FNDC3A: variants seen among roughly 807,000 people sequenced by gnomAD.
FNDC3A encodes fibronectin type-III domain-containing protein 3A.
A neutral mutation model predicts 148.9 loss-of-function variants in FNDC3A; 32 were observed. The ratio of observed to expected loss-of-function variants is 0.21; its 90% CI spans 0.16 to 0.29. FNDC3A has a LOEUF of 0.29. Ranked by LOEUF, FNDC3A falls within the 10% of genes least tolerant of loss-of-function variation. The pLI, the probability that FNDC3A is intolerant of heterozygous loss-of-function variation, is 1.00. For synonymous variants in FNDC3A, 472 were observed against 473.6 expected, an observed-to-expected ratio of 1.00 and a Z score of 0.04; for missense variants, 1,191 against 1,452.8, an observed-to-expected ratio of 0.82 and a Z score of 2.93.
chr13:49,098,940 A>G (rs1053644236), intron 3 of FNDC3A, among the ~76,000 whole-genome samples: 2 of 152,052 alleles, frequency 1.3e-5, no homozygotes, highest in Non-Finnish European at 2.9e-5. Flanking sequence ...TTCTGTTCCC[A>G]AGTTCTGACT....
Position 49,086,795 on chromosome 13 carries a change from C to G in FNDC3A, c.175+11431C>G, listed in dbSNP as rs374577237. ...TCATGATTGTATTTAAAAATTTGCT[C>G]TTTATACTTCCCCTTTTAATATGAA... On this transcript the variant is annotated intron_variant, in intron 3 of 25. Transcript: ENST00000492622. Among the ~76,000 whole-genome samples, 11 of 152,216 alleles carry G rather than the reference C, an allele frequency of 7.2e-5. No homozygotes were observed. The South Asian group carries it at 1.2e-3, about 17-fold the overall frequency.
At chr13:49,142,479 C>G (rs773246016) in intron 7 of FNDC3A, among the ~76,000 whole-genome samples, 1 of 152,096 alleles carries the variant, frequency 6.6e-6, no homozygotes, top group Non-Finnish European at 1.5e-5. Flanking sequence ...ATAGGATCCA[C>G]TCTCCCCACT....
intron 4 of FNDC3A, among the ~76,000 whole-genome samples, chr13:49,127,190 C>A (rs1006768047): frequency 1.3e-5 from 2 of 152,186 alleles, no homozygotes; most frequent in African/African-American, 4.8e-5. Context: ...TAGCATTTTT[C>A]TTTTCTCTCT....
chr13:49,124,932 T>C (rs548427761), intron 4 of FNDC3A, among the ~76,000 whole-genome samples: 1 of 152,316 alleles, frequency 6.6e-6, no homozygotes, highest in South Asian at 2.1e-4. Context: ...GTTTATGAAC[T>C]ACCTGAATGG....
At chr13:49,176,903 C>A (rs765515740) in intron 13 of FNDC3A, among the ~76,000 whole-genome samples, 1 of 152,154 alleles carries the variant, frequency 6.6e-6, no homozygotes. Flanking sequence ...TGGGCTCAGG[C>A]AATCCTTTCA....
chr13:49,129,831 G>A (rs2137920828), intron 4 of FNDC3A, among the ~76,000 whole-genome samples: 1 of 152,252 alleles, frequency 6.6e-6, no homozygotes, highest in East Asian at 1.9e-4. Context: ...ATTAATGTTT[G>A]TAATTTAGGC....
chr13:49,090,385 G>T (rs1879106396), intron 3 of FNDC3A, among the ~76,000 whole-genome samples: 1 of 152,218 alleles, frequency 6.6e-6, no homozygotes, highest in African/African-American at 2.4e-5. Flanking sequence ...CTGCACTCCA[G>T]CCTGGGTGAC....
chr13:49,208,910 C>A lies in FNDC3A; in HGVS notation c.*1515C>A, dbSNP rs147757881. 2.0e-5 allele frequency: 3 copies of A among 152,570 alleles called. No homozygotes were observed. Among genetic ancestry groups the A allele is most frequent in the African/African-American group, 4.8e-5 (2 of 41,504 alleles). 9.5% of individuals were successfully genotyped at this position (152,570 alleles called of 1,614,324 possible). On this transcript the variant is annotated 3_prime_UTR_variant, in exon 26 of 26. Coordinates refer to ENST00000492622, the MANE Select transcript of FNDC3A (RefSeq NM_001079673.2). ...TGCTTTGAAGATCTCTGAAGAATTT[C>A]TTTTATAATAGAATGGGCATGTATT...
intron 8 of FNDC3A, chr13:49,146,213 G>T (rs1593657445): frequency 3.4e-6 from 1 of 298,206 alleles, no homozygotes; most frequent in Non-Finnish European, 6.2e-6. Flanking sequence ...TATTCTTAAT[G>T]CATTAAATAT....
chr13:49,035,230 T>C (rs575112481), intron 2 of FNDC3A, among the ~76,000 whole-genome samples: 4 of 152,212 alleles, frequency 2.6e-5, no homozygotes, highest in African/African-American at 7.2e-5. Context: ...AATGACACTT[T>C]TTAGTAGGAT....
In FNDC3A at chr13:49,197,856, C is replaced by A; in HGVS notation, c.2472C>A (p.Thr824=). ...TAAAAGGACTTTCACCAGCAACTAC[C>A]TATTATTGCAGGGTCCAGGTAAAGA... ...YEIKGLSPAT[T]YYCRVQALSV... Residue 824 remains threonine (T), a synonymous_variant, in exon 21 of 26, where the codon ACC becomes ACA. Coordinates refer to ENST00000492622, the MANE Select transcript of FNDC3A (RefSeq NM_001079673.2). 6.2e-7 allele frequency: 1 copy of A among 1,604,284 alleles called. No homozygotes were observed. The highest frequency in any genetic ancestry group is 8.5e-7 in the Non-Finnish European group (1 of 1,177,796).
At chr13:49,159,962 T>G (rs192468193) in intron 8 of FNDC3A, among the ~76,000 whole-genome samples, 234 of 152,380 alleles carry the variant, frequency 1.5e-3, no homozygotes, top group Admixed American at 4.5e-3. Context: ...ATCCCAGGGA[T>G]GAAGCCAACT....
At chr13:49,186,761 A>G in intron 15 of FNDC3A, among the ~76,000 whole-genome samples, 1 of 152,160 alleles carries the variant, frequency 6.6e-6, no homozygotes, top group Non-Finnish European at 1.5e-5. Flanking sequence ...CCAGCTACTC[A>G]GGAGGCTGAA....
At chr13:48,990,607 A>AT (rs1951896964) in intron 1 of FNDC3A, among the ~76,000 whole-genome samples, 1 of 149,786 alleles carries the variant, frequency 6.7e-6, no homozygotes, top group Non-Finnish European at 1.5e-5. Flanking sequence ...AAAAAAAAAA[A>AT]AAAAATTAGC....
intron 1 of FNDC3A, among the ~76,000 whole-genome samples, chr13:48,982,139 C>A (rs1951704241): frequency 6.6e-6 from 1 of 151,988 alleles, no homozygotes; most frequent in Non-Finnish European, 1.5e-5. Context: ...TTTTGTTGAG[C>A]CATAACTTGA....
chr13:49,034,409 T>G (rs1874349506), intron 2 of FNDC3A, among the ~76,000 whole-genome samples: 1 of 151,994 alleles, frequency 6.6e-6, no homozygotes, highest in Non-Finnish European at 1.5e-5. Flanking sequence ...CACACACTTG[T>G]CATTTGGGTA....
intron 4 of FNDC3A, among the ~76,000 whole-genome samples, chr13:49,130,134 G>T (rs1486489848): frequency 6.6e-6 from 1 of 151,738 alleles, no homozygotes; most frequent in Non-Finnish European, 1.5e-5. Context: ...GGTTTCCTGT[G>T]TGTCTTTGCA....
At chr13:49,158,597 T>A (rs1194103224) in intron 8 of FNDC3A, among the ~76,000 whole-genome samples, 3 of 152,250 alleles carry the variant, frequency 2.0e-5, no homozygotes, top group Non-Finnish European at 2.9e-5. Context: ...TAGTTTATTT[T>A]GCTGTGCAGA....
chr13:49,000,803 C>T (rs576015855), intron 1 of FNDC3A, among the ~76,000 whole-genome samples: 4 of 152,016 alleles, frequency 2.6e-5, no homozygotes, highest in Admixed American at 6.6e-5. Context: ...TAGGTTTATT[C>T]CTAAGTACTT....
Sources: allele counts gnomAD v4.1 joint callset (sites outside exome capture counted in the v4.1 genomes callset), GRCh38; gene constraint gnomAD v4.1.1; transcripts MANE v1.5; gene names NCBI Gene and HGNC (gene_info 2026-07-23, HGNC 2026-07-21).